Variants in PPWD1 observed in about 807,000 individuals in gnomAD.
The protein encoded by PPWD1 is peptidylprolyl isomerase domain and WD repeat containing 1.
PPWD1 carries 43 observed loss-of-function variants against 68.8 expected under a neutral mutation model. The observed-to-expected ratio is 0.62, with a 90% CI of 0.49 to 0.81. PPWD1 has a LOEUF of 0.81. PPWD1 is among the 30% of genes least tolerant of loss of function. The pLI, the probability that PPWD1 is intolerant of heterozygous loss-of-function variation, is 0.00. For missense variants in PPWD1, 672 were observed against 804.8 expected, an observed-to-expected ratio of 0.83 and a Z score of 2.00; for synonymous variants, 232 against 258.7, an observed-to-expected ratio of 0.90 and a Z score of 0.99.
Position 65,584,934 on chromosome 5 carries a change from C to T in PPWD1, c.1533-80C>T, listed in dbSNP as rs1375331320. 3 of 1,505,548 alleles carry T rather than the reference C, an allele frequency of 2.0e-6. No homozygotes were observed. In the African/African-American group the frequency reaches 4.3e-5, roughly 21 times the overall value. The allele number at this position is 1,505,548 out of a possible 1,614,324, so 93.3% of individuals were successfully genotyped here. A position where few individuals can be genotyped will look rare whatever the true frequency, so the allele number is the denominator to read the frequency against. On this transcript the variant is annotated intron_variant, in intron 8 of 10. Transcript: ENST00000261308. ...TTCAGAAGACATGGAAAGGAAACAT[C>T]ATTAGGAAGCAGAACTGCAAAGAAA...
At chr5:65,586,310 T>C in intron 10 of PPWD1, 129 bp downstream of exon 10, 1 of 926,756 alleles carries the variant, frequency 1.1e-6, no homozygotes, top group Non-Finnish European at 1.5e-6. Context: ...AATACAAATA[T>C]GAAAATGATC....
At chr5:65,580,519 CCT>C (rs925415921) in intron 7 of PPWD1, among the ~76,000 whole-genome samples, 9 of 152,168 alleles carry the variant, frequency 5.9e-5, no homozygotes, top group South Asian at 2.1e-4. Context: ...TTTGGAAGCC[CCT>C]CTGTTTTTTG....
chr5:65,577,143 G>A (rs1753336859), intron 6 of PPWD1, 74 bp downstream of exon 6: 2 of 1,504,588 alleles, frequency 1.3e-6, no homozygotes, highest in Admixed American at 4.1e-5. Flanking sequence ...TGGGAACAGT[G>A]GGAGTATTGT....
In PPWD1 at chr5:65,571,894, G is replaced by T. The variant is rs1437046931; in HGVS notation, c.577G>T (p.Val193Phe). The T allele has an allele frequency of 6.2e-7, 1 of 1,613,970 alleles. No homozygotes were observed. The highest frequency in any genetic ancestry group is 8.5e-7 in the Non-Finnish European group (1 of 1,179,974). ...TTGCCCAGGGGATGCAATTTCTTCAGTTGCTGCTTCCGAAAAGAGTACAGG... is the reference window on the plus strand; with the variant it reads ...TTGCCCAGGGGATGCAATTTCTTCATTTGCTGCTTCCGAAAAGAGTACAGG... ...IYCPGDAISS[V>F]AASEKSTGKI... The change falls in exon 5 of 11, where the codon GTT (valine) becomes TTT (phenylalanine). Residue 193 changes from valine (V) to phenylalanine (F), a missense_variant. Physicochemically the swap from Val to Phe is conservative, Grantham distance 50. Coordinates refer to ENST00000261308, the MANE Select transcript of PPWD1 (RefSeq NM_015342.4).
chr5:65,569,605 T>A, intron 2 of PPWD1, 27 bp from the exon 3 acceptor site: 1 of 1,542,588 alleles, frequency 6.5e-7, no homozygotes, highest in Non-Finnish European at 8.9e-7. Flanking sequence ...GTCTTAGAAA[T>A]TAACTTTTAA....
intron 8 of PPWD1, 99 bp downstream of exon 8, chr5:65,583,318 T>A: frequency 8.1e-7 from 1 of 1,237,812 alleles, no homozygotes; most frequent in Non-Finnish European, 1.1e-6. Context: ...TACTTTGACT[T>A]AAGGAATTTT....
At chr5:65,569,064 G>T in intron 2 of PPWD1, 2 of 454,736 alleles carry the variant, frequency 4.4e-6, no homozygotes, top group South Asian at 3.1e-5. Context: ...TAGAGTTGCT[G>T]TAAAATTAAC....
At position 65,579,446 on chromosome 5, in the gene PPWD1, C is replaced by A; in HGVS notation, c.1183C>A (p.Gln395Lys). ...TAGGTGTGTGCGGATTTTAGGCAAA[C>A]AAGAAAATATTAGAGTGATGCAATT... is the stretch of plus-strand genomic sequence containing the variant. ...TNRCVRILGKQENIRVMQLAL... is the reference protein window; with the variant it reads ...TNRCVRILGKKENIRVMQLAL... The change falls in exon 7 of 11, where the codon CAA (glutamine) becomes AAA (lysine). Residue 395 changes from glutamine (Q) to lysine (K), a missense_variant. Physicochemically the swap from Gln to Lys is moderately conservative, Grantham distance 53 (BLOSUM62 1). Around this residue, in one of 2 missense-constraint regions of PPWD1, gnomAD observed 484 missense variants for 646.2 expected, o/e 0.75. Transcript: ENST00000261308. The A allele has an allele frequency of 6.4e-7, 1 of 1,563,188 alleles. No homozygotes were observed. The highest frequency in any genetic ancestry group is 8.6e-7 in the Non-Finnish European group (1 of 1,158,872).
intron 4 of PPWD1, among the ~76,000 whole-genome samples, chr5:65,571,100 G>A (rs1752990335): frequency 6.6e-6 from 1 of 152,080 alleles, no homozygotes; most frequent in African/African-American, 2.4e-5. Context: ...GATATTGAAT[G>A]TTTGCCCTTT....
At position 65,579,415 on chromosome 5, in the gene PPWD1, T is replaced by C. The variant is rs1277016602; in HGVS notation, c.1161-9T>C. 2.0e-6 allele frequency: 3 copies of C among 1,483,012 alleles called. No individual in the cohort carries two copies. The highest frequency in any genetic ancestry group is 2.7e-6 in the Non-Finnish European group (3 of 1,115,250). 91.9% of individuals were successfully genotyped at this position (1,483,012 alleles called of 1,614,324 possible). Reference sequence around the variant, plus strand: ...GATTCTGTTGTATAAAACATTGTTATATTTTTAGGTGTGTGCGGATTTTAG... The same window carrying C: ...GATTCTGTTGTATAAAACATTGTTACATTTTTAGGTGTGTGCGGATTTTAG... On this transcript the variant is annotated splice_polypyrimidine_tract_variant and intron_variant, in intron 6 of 10. Transcript: ENST00000261308.
chr5:65,584,972 T>C (rs1187976493), intron 8 of PPWD1, 42 bp from the exon 9 acceptor site: 3 of 1,592,576 alleles, frequency 1.9e-6, no homozygotes, highest in Non-Finnish European at 2.6e-6. Context: ...TGTTTTAAGA[T>C]GCTCTGAATA....
At chr5:65,571,209 G>T (rs1581151807) in intron 4 of PPWD1, among the ~76,000 whole-genome samples, 1 of 152,226 alleles carries the variant, frequency 6.6e-6, no homozygotes, top group East Asian at 1.9e-4. Context: ...GAATAATAGT[G>T]TCACTTCTCC....
intron 1 of PPWD1, 159 bp downstream of exon 1, chr5:65,563,665 C>A: frequency 7.5e-7 from 1 of 1,342,166 alleles, no homozygotes; most frequent in Non-Finnish European, 1.0e-6. Flanking sequence ...CATGTCTTAA[C>A]GAAATAGTGA....
At chr5:65,563,914 C>A in intron 1 of PPWD1, 2 of 1,326,524 alleles carry the variant, frequency 1.5e-6, no homozygotes, top group Non-Finnish European at 2.1e-6. Flanking sequence ...TGTTGGGGCG[C>A]GAGAGGAAGG....
intron 6 of PPWD1, among the ~76,000 whole-genome samples, chr5:65,578,454 C>T (rs1381567461): frequency 6.6e-6 from 1 of 152,150 alleles, no homozygotes; most frequent in Non-Finnish European, 1.5e-5. Flanking sequence ...TTCCCACCAG[C>T]AATGAATGAG....
At chr5:65,579,770 A>G (rs1753514570) in intron 7 of PPWD1, among the ~76,000 whole-genome samples, 157 bp downstream of exon 7, 2 of 152,208 alleles carry the variant, frequency 1.3e-5, no homozygotes, top group South Asian at 4.1e-4. Flanking sequence ...AGAATTTTAA[A>G]GTAGAAGTTG....
chr5:65,564,052 G>T, intron 1 of PPWD1: 2 of 506,872 alleles, frequency 3.9e-6, no homozygotes, highest in Middle Eastern at 3.0e-4. Flanking sequence ...TCCAAAACCC[G>T]AAGTCTGTGG....
intron 5 of PPWD1, among the ~76,000 whole-genome samples, chr5:65,573,570 C>CACCGTGTTA (rs1753138543): frequency 1.1e-5 from 1 of 92,432 alleles, no homozygotes; most frequent in Non-Finnish European, 2.0e-5. Context: ...AGACGGGTTT[C>CACCGTGTTA]ACCGTGTTAG....
chr5:65,573,412 C>T (rs1323823746), intron 5 of PPWD1, among the ~76,000 whole-genome samples: 9 of 144,514 alleles, frequency 6.2e-5, no homozygotes, highest in Middle Eastern at 3.3e-3. Context: ...CCTGTCTCAG[C>T]TTCCCAAGTA....
Sources: gnomAD v4.1 joint callset for allele counts (sites outside exome capture counted in the v4.1 genomes callset) on GRCh38, gnomAD v4.1.1 for gene constraint, gnomAD v4.1.1 regional missense constraint, MANE v1.5 for transcripts, NCBI Gene and HGNC (gene_info 2026-07-23, HGNC 2026-07-21) for gene names.